Variants in SRGAP3 observed in about 807,000 individuals in gnomAD.
SRGAP3 encodes SLIT-ROBO Rho GTPase activating protein 3.
A neutral mutation model predicts 121.1 loss-of-function variants in SRGAP3; 39 were observed. The ratio of observed to expected loss-of-function variants is 0.32; its 90% CI spans 0.25 to 0.42. SRGAP3 has a LOEUF of 0.42. SRGAP3 is among the 10% of genes least tolerant of loss of function. The pLI is 1.00. For synonymous variants in SRGAP3, 601 were observed against 570.0 expected, an observed-to-expected ratio of 1.05 and a Z score of -0.77; for missense variants, 1,213 against 1,470.6, an observed-to-expected ratio of 0.82 and a Z score of 2.86.
At chr3:9,070,697 G>A (rs1575022455) in intron 4 of SRGAP3, among the ~76,000 whole-genome samples, 1 of 152,168 alleles carries the variant, frequency 6.6e-6, no homozygotes, top group East Asian at 1.9e-4. Flanking sequence ...GTAAAATGAG[G>A]GAGGTACAGT....
At chr3:9,168,661 C>T (rs941432823) in intron 1 of SRGAP3, among the ~76,000 whole-genome samples, 1 of 152,222 alleles carries the variant, frequency 6.6e-6, no homozygotes, top group African/African-American at 2.4e-5. Flanking sequence ...TTCGTACGTG[C>T]TTGGAGGCAA....
Position 8,985,385 on chromosome 3 carries a change from G to T in SRGAP3, c.*134C>A. On this transcript the variant is annotated 3_prime_UTR_variant, in exon 22 of 22. Coordinates refer to ENST00000383836, the MANE Select transcript of SRGAP3 (RefSeq NM_014850.4). This position sits in a 1 kb window ranked among gnomAD's most constrained non-coding sequence, Gnocchi z 5.1. ...CAGCCAGCGCCCGGGCCTCAGCTCT[G>T]CACAGACACACCCTCCCAGACGGAC... The T allele has an allele frequency of 1.4e-6, 2 of 1,478,868 alleles. No individual in the cohort carries two copies. The highest frequency in any genetic ancestry group is 2.5e-5 in the East Asian group (1 of 40,738). 91.6% of individuals were successfully genotyped at this position (1,478,868 alleles called of 1,614,324 possible).
chr3:9,146,115 G>C (rs1950015964), intron 1 of SRGAP3, among the ~76,000 whole-genome samples: 1 of 152,202 alleles, frequency 6.6e-6, no homozygotes, highest in Admixed American at 6.5e-5. Flanking sequence ...TAGTTAGAAG[G>C]CTACTGCCAT....
chr3:9,275,000 G>C (rs112313887), intron 3 of SRGAP3, among the ~76,000 whole-genome samples: 29,025 of 151,984 alleles, frequency 0.19, 3,513 homozygotes, highest in Non-Finnish European at 0.27. Flanking sequence ...GGAAAACAGG[G>C]ATGTAAGTTC....
At chr3:9,124,614 A>G in intron 2 of SRGAP3, 111 bp downstream of exon 2, 2 of 1,421,716 alleles carry the variant, frequency 1.4e-6, no homozygotes, top group Non-Finnish European at 2.0e-6. Flanking sequence ...CCCTGAAGGC[A>G]CACCCTCTGC....
intron 3 of SRGAP3, among the ~76,000 whole-genome samples, chr3:9,321,245 A>G (rs1454450735): frequency 6.6e-6 from 1 of 151,898 alleles, no homozygotes; most frequent in Non-Finnish European, 1.5e-5. Flanking sequence ...CCAGCCTTCA[A>G]GTCTTCCAGT....
chr3:9,090,969 A>C (rs974009364), intron 3 of SRGAP3, among the ~76,000 whole-genome samples: 13 of 152,044 alleles, frequency 8.6e-5, no homozygotes, highest in Admixed American at 8.5e-4. Flanking sequence ...GCGTGTGTCT[A>C]TCTCCCTCAA....
chr3:9,326,728 T>G (rs2125284446), intron 2 of SRGAP3, among the ~76,000 whole-genome samples: 1 of 151,996 alleles, frequency 6.6e-6, no homozygotes, highest in East Asian at 1.9e-4. Context: ...AATTTTAGTA[T>G]TGGCTGGTTT....
In SRGAP3 at chr3:9,142,492, T is replaced by G. The variant is rs552282892; in HGVS notation, c.68-17575A>C. 5.9e-5 allele frequency among the ~76,000 whole-genome samples: 9 copies of G among 152,348 alleles called. 1 individual carries two copies. The East Asian group carries it at 1.7e-3, about 29-fold the overall frequency. On this transcript the variant is annotated intron_variant, in intron 1 of 21. Coordinates refer to ENST00000383836, the MANE Select transcript of SRGAP3 (RefSeq NM_014850.4). Reference sequence around the variant, plus strand: ...ACTTACTACCCCTATATAAATCTATTTGTCCTTTTAATGCAATGTGAAACT... The same window carrying G: ...ACTTACTACCCCTATATAAATCTATGTGTCCTTTTAATGCAATGTGAAACT...
chr3:9,195,624 C>T (rs535525569), intron 1 of SRGAP3, among the ~76,000 whole-genome samples: 1 of 152,088 alleles, frequency 6.6e-6, no homozygotes, highest in Non-Finnish European at 1.5e-5. Flanking sequence ...CAATAAACAG[C>T]ATGCACCCAA....
chr3:9,228,695 A>C (rs1206560723), intron 1 of SRGAP3, among the ~76,000 whole-genome samples: 1 of 152,194 alleles, frequency 6.6e-6, no homozygotes, highest in African/African-American at 2.4e-5. Flanking sequence ...TTGGCTGCTA[A>C]GTTCTTGGGG....
intron 4 of SRGAP3, among the ~76,000 whole-genome samples, chr3:9,074,313 C>T (rs977452493): frequency 6.6e-6 from 1 of 152,160 alleles, no homozygotes; most frequent in Non-Finnish European, 1.5e-5. Context: ...CTGGGCTATA[C>T]TCTATGACAA....
At chr3:9,008,833 CT>C (rs571371204) in intron 18 of SRGAP3, among the ~76,000 whole-genome samples, 2 of 152,268 alleles carry the variant, frequency 1.3e-5, no homozygotes, top group African/African-American at 2.4e-5. Flanking sequence ...GGGTGCATGA[CT>C]CAAGGCAGTC....
chr3:9,101,986 C>T (rs1227445279), intron 3 of SRGAP3, among the ~76,000 whole-genome samples: 2 of 152,242 alleles, frequency 1.3e-5, no homozygotes, highest in African/African-American at 4.8e-5. Flanking sequence ...CAAACCACCT[C>T]CCGCATCAGT....
At chr3:9,138,962 T>TG (rs1399277653) in intron 1 of SRGAP3, among the ~76,000 whole-genome samples, 1 of 152,236 alleles carries the variant, frequency 6.6e-6, no homozygotes, top group African/African-American at 2.4e-5. Context: ...GTAGTGCTCA[T>TG]GCCTCATCTT....
At chr3:9,329,047 A>G (rs965645220) in intron 2 of SRGAP3, among the ~76,000 whole-genome samples, 1 of 152,270 alleles carries the variant, frequency 6.6e-6, no homozygotes, top group African/African-American at 2.4e-5. Context: ...GTTATGGAAC[A>G]GCTTGTTGGG....
intron 2 of SRGAP3, 74 bp downstream of exon 2, chr3:9,124,651 T>G (rs1949149754): frequency 1.3e-6 from 2 of 1,598,370 alleles, no homozygotes; most frequent in African/African-American, 2.7e-5. Context: ...TGGCCTCCTT[T>G]CTGCTTTGCC....
intron 3 of SRGAP3, among the ~76,000 whole-genome samples, chr3:9,272,543 T>C (rs1954497366): frequency 6.6e-6 from 1 of 152,226 alleles, no homozygotes; most frequent in South Asian, 2.1e-4. Context: ...CTCAGCACAA[T>C]GTTCATAAGG....
chr3:9,143,897 C>T (rs1326392870), intron 1 of SRGAP3, among the ~76,000 whole-genome samples: 1 of 152,144 alleles, frequency 6.6e-6, no homozygotes, highest in Non-Finnish European at 1.5e-5. Context: ...CTCCCCATCA[C>T]TGTGTCCTAT....
Sources: gnomAD v4.1 joint callset for allele counts (sites outside exome capture counted in the v4.1 genomes callset) on GRCh38, gnomAD v4.1.1 for gene constraint, Gnocchi (gnomAD v3.1) non-coding constraint, MANE v1.5 for transcripts, NCBI Gene and HGNC (gene_info 2026-07-23, HGNC 2026-07-21) for gene names.